The following FOCAD variants were observed in gnomAD, a reference collection of about 807,000 sequenced individuals.
The protein encoded by FOCAD is focadhesin.
In FOCAD, 198 loss-of-function variants were observed where a neutral mutation model predicts 225.6. The ratio of observed to expected loss-of-function variants is 0.88; its 90% confidence interval spans 0.78 to 0.99. The LOEUF is 0.99. Ranked by LOEUF, FOCAD falls within the 50% of genes least tolerant of loss-of-function variation. The probability of loss-of-function intolerance (pLI) is 0.00; values close to 1 mark genes in which losing one functional copy is unlikely to be tolerated. For missense variants in FOCAD, 2,713 were observed against 2,123.6 expected (o/e 1.28, Z -5.46); for synonymous variants, 897 against 755.0 (o/e 1.19, Z -3.08).
chr9:20,857,181 T>G (rs775677669), intron 15 of FOCAD, among the ~76,000 whole-genome samples: 2 of 152,128 alleles, frequency 1.3e-5, no homozygotes, highest in Non-Finnish European at 2.9e-5. Flanking sequence ...CTTTAAGTAA[T>G]GTGGACATTT....
In FOCAD at chr9:20,972,498, A is replaced by G. The variant is rs539523398; in HGVS notation, c.4133-3922A>G. Among the ~76,000 whole-genome samples, 16 of 150,818 alleles carry G rather than the reference A, an allele frequency of 1.1e-4. No homozygotes were observed. The East Asian group carries it at 1.9e-3, about 18-fold the overall frequency. On this transcript the variant is annotated intron_variant, in intron 35 of 43. Transcript: ENST00000338382. ...ATTTTTATATGCTCTCTTTTTTTCT[A>G]TGTTACTCCTTTTTTAGCTGCTCTT...
intron 5 of FOCAD, among the ~76,000 whole-genome samples, chr9:20,756,555 A>G (rs766278816): frequency 2.2e-4 from 33 of 152,210 alleles, no homozygotes; most frequent in African/African-American, 7.5e-4. Context: ...GCAGTCTAAG[A>G]TAACAGACCT....
chr9:20,967,822 T>A (rs991740632), intron 35 of FOCAD, among the ~76,000 whole-genome samples: 38 of 152,234 alleles, frequency 2.5e-4, no homozygotes, highest in African/African-American at 8.7e-4. Flanking sequence ...CTGGGATAAA[T>A]CGTGTTTGAT....
chr9:20,923,896 C>G (rs530222990), intron 25 of FOCAD, 128 bp downstream of exon 25: 1 of 656,432 alleles, frequency 1.5e-6, no homozygotes, highest in East Asian at 2.7e-5. Flanking sequence ...ACTTGATGGG[C>G]CTTTATACTG....
At chr9:20,672,849 A>G (rs1223703921) in intron 2 of FOCAD, among the ~76,000 whole-genome samples, 1 of 152,258 alleles carries the variant, frequency 6.6e-6, no homozygotes, top group East Asian at 1.9e-4. Flanking sequence ...TAGGTCACCA[A>G]CAGGACTCAC....
At chr9:20,740,392 T>C in intron 5 of FOCAD, 52 bp downstream of exon 5, 1 of 1,000,590 alleles carries the variant, frequency 1.0e-6, no homozygotes, top group South Asian at 1.5e-5. Flanking sequence ...TTTAATGAAA[T>C]TATTAACTGT....
chr9:20,825,522 AAGAC>A (rs896941859), intron 15 of FOCAD, among the ~76,000 whole-genome samples: 3 of 152,122 alleles, frequency 2.0e-5, no homozygotes, highest in African/African-American at 7.2e-5. Context: ...GGTATATAGA[AAGAC>A]AGCCTAATTT....
chr9:20,745,985 G>T (rs374848610), intron 5 of FOCAD, among the ~76,000 whole-genome samples: 2 of 152,104 alleles, frequency 1.3e-5, no homozygotes, highest in Non-Finnish European at 2.9e-5. Flanking sequence ...ACTTAAAGAC[G>T]TGTATCCTAA....
At position 20,907,202 on chromosome 9, in the gene FOCAD, G is replaced by A; in HGVS notation, c.2678G>A (p.Trp893Ter). ...WHRAIFLPQA[W>*]LAYMNRAYHA... is the part of the protein sequence containing the mutation. ...CGTGCAATTTTTCTTCCACAGGCCT[G>A]GCTTGCATACATGAATCGAGCTTAT... is the stretch of plus-strand genomic sequence containing the variant. Residue 893 changes from tryptophan (W) to a stop codon, truncating the protein, a stop_gained, in exon 22 of 44, where the codon TGG becomes TAG. Coordinates refer to ENST00000338382, the MANE Select transcript of FOCAD (RefSeq NM_001375567.1). LOFTEE classifies it high-confidence loss of function. 1 of 1,613,206 alleles carries A rather than the reference G, an allele frequency of 6.2e-7. No homozygotes were observed. The highest frequency in any genetic ancestry group is 1.1e-5 in the South Asian group (1 of 91,040).
At chr9:20,673,970 CA>C (rs1159892953) in intron 2 of FOCAD, among the ~76,000 whole-genome samples, 1 of 152,118 alleles carries the variant, frequency 6.6e-6, no homozygotes, top group Non-Finnish European at 1.5e-5. Flanking sequence ...GAAAATTTGT[CA>C]ATTGTTCTTT....
chr9:20,695,653 C>T (rs1215350772), intron 1 of FOCAD, among the ~76,000 whole-genome samples: 1 of 152,164 alleles, frequency 6.6e-6, no homozygotes, highest in African/African-American at 2.4e-5. Context: ...AAGGATTATC[C>T]ACCCATCTAC....
chr9:20,829,050 G>C (rs1264536674), intron 15 of FOCAD, among the ~76,000 whole-genome samples: 1 of 152,064 alleles, frequency 6.6e-6, no homozygotes, highest in Non-Finnish European at 1.5e-5. Context: ...ATGGGCATTT[G>C]GGATTGATTC....
chr9:20,743,995 G>C (rs1182933414), intron 5 of FOCAD, among the ~76,000 whole-genome samples: 1 of 152,168 alleles, frequency 6.6e-6, no homozygotes, highest in Non-Finnish European at 1.5e-5. Flanking sequence ...CAATAGAGAG[G>C]CCAAGAGCAG....
chr9:20,929,448 T>C lies in FOCAD; in HGVS notation c.3169T>C (p.Ser1057Pro). Residue 1057 changes from serine to proline, a missense_variant, in exon 27 of 44, where the codon TCT becomes CCT. Transcript: ENST00000338382. The part of the protein sequence containing the change: ...LSLLVPVFII[S>P]CKEKVEEILN... The stretch of plus-strand genomic sequence containing the variant: ...TCTCCTTGTGCCAGTTTTCATTATC[T>C]CTTGCAAAGAGAAGGTTGAGGAAAT... 6.2e-7 allele frequency: 1 copy of C among 1,614,144 alleles called. No individual in the cohort carries two copies. The highest frequency in any genetic ancestry group is 1.3e-5 in the African/African-American group (1 of 75,030).
intron 11 of FOCAD, among the ~76,000 whole-genome samples, chr9:20,806,437 C>T (rs1251806510): frequency 3.3e-5 from 5 of 151,990 alleles, no homozygotes; most frequent in Admixed American, 6.6e-5. Context: ...ATTTTGTAGG[C>T]GGCTTGTCGA....
Position 20,789,505 on chromosome 9 carries a change from C to T in FOCAD, c.1352C>T (p.Pro451Leu), listed in dbSNP as rs372077661. Residue 451 changes from proline to leucine, a missense_variant, in exon 11 of 44, where the codon CCT becomes CTT. Transcript: ENST00000338382. ...CCTATTACTGCTGTGATCCCTGCGC[C>T]TGCCTTTCTTCTGCTGGCTCACCTC... The part of the protein sequence containing the change: ...LLPITAVIPA[P>L]AFLLLAHLLV... The T allele has an allele frequency of 5.0e-6, 8 of 1,613,864 alleles. No individual in the cohort carries two copies. The highest frequency in any genetic ancestry group is 1.7e-5 in the Admixed American group (1 of 59,916).
intron 2 of FOCAD, among the ~76,000 whole-genome samples, chr9:20,674,420 C>G (rs1279177952): frequency 2.6e-5 from 4 of 152,192 alleles, no homozygotes; most frequent in Admixed American, 2.0e-4. Flanking sequence ...TCTCCCCTAT[C>G]TCTTTCCACC....
intron 11 of FOCAD, among the ~76,000 whole-genome samples, chr9:20,818,658 T>A (rs1823995002): frequency 6.6e-6 from 1 of 152,070 alleles, no homozygotes. Context: ...TGGGGATCCT[T>A]GTCAAAAACC....
intron 21 of FOCAD, chr9:20,896,910 G>C (rs1015658330): frequency 3.3e-5 from 5 of 151,778 alleles, no homozygotes; most frequent in African/African-American, 1.2e-4. Context: ...GTTATATCCA[G>C]TTGATTGATG....
Sources: allele counts gnomAD v4.1 joint callset (sites outside exome capture counted in the v4.1 genomes callset), GRCh38; gene constraint gnomAD v4.1.1; transcripts MANE v1.5; gene names NCBI Gene and HGNC (gene_info 2026-07-23, HGNC 2026-07-21).